The following LRP5 variants were observed in gnomAD, a reference collection of about 807,000 sequenced individuals.
The protein encoded by LRP5 is LDL receptor related protein 5.
In LRP5, 62 loss-of-function variants were observed where a neutral mutation model predicts 154.1. The ratio of observed to expected loss-of-function variants is 0.40; its 90% CI spans 0.33 to 0.50. The LOEUF is 0.50. Ranked by LOEUF, LRP5 falls within the 20% of genes least tolerant of loss-of-function variation. The pLI is 0.55. For synonymous variants in LRP5, 966 were observed against 1,011.5 expected, an observed-to-expected ratio of 0.96 and a Z score of 0.85; for missense variants, 1,915 against 2,336.7, an observed-to-expected ratio of 0.82 and a Z score of 3.72.
chr11:68,318,341 G>T (rs866251771), intron 1 of LRP5, among the ~76,000 whole-genome samples: 16 of 149,990 alleles, frequency 1.1e-4, no homozygotes, highest in African/African-American at 3.7e-4. Context: ...CACCACACCC[G>T]GCCTGCTTTT....
chr11:68,308,089 G>A (rs570658730), upstream of LRP5, among the ~76,000 whole-genome samples: 34 of 152,354 alleles, frequency 2.2e-4, no homozygotes, highest in Non-Finnish European at 4.0e-4. Flanking sequence ...GGGGCAGGTT[G>A]CTGAGAAGCA....
At chr11:68,436,841 C>T (rs1177026003) in intron 18 of LRP5, 48 bp from the exon 19 acceptor site, 1 of 1,425,428 alleles carries the variant, frequency 7.0e-7, no homozygotes, top group Non-Finnish European at 9.9e-7. Flanking sequence ...GCATGGTGGG[C>T]TGGGGGGCAC....
chr11:68,414,046 C>T (rs1370528267), intron 12 of LRP5, 34 bp downstream of exon 12: 1 of 1,579,310 alleles, frequency 6.3e-7, no homozygotes, highest in South Asian at 1.1e-5. Flanking sequence ...ACCTCACTCC[C>T]TCGTTAGATC....
At chr11:68,360,996 C>CAAA (rs71043425) in intron 3 of LRP5, among the ~76,000 whole-genome samples, 1 of 15,742 alleles carries the variant, frequency 6.4e-5, no homozygotes, top group Non-Finnish European at 1.0e-4. Flanking sequence ...GACTCTATCT[C>CAAA]AAAAAAAAAA....
chr11:68,309,863 G>A (rs1439438348), upstream of LRP5, among the ~76,000 whole-genome samples: 1 of 152,136 alleles, frequency 6.6e-6, no homozygotes, highest in Non-Finnish European at 1.5e-5. Flanking sequence ...GCCCCCACAG[G>A]GGCCTCTTTC....
intron 1 of LRP5, among the ~76,000 whole-genome samples, chr11:68,330,234 G>A (rs1200043121): frequency 3.3e-5 from 4 of 121,788 alleles, no homozygotes; most frequent in African/African-American, 1.3e-4. Flanking sequence ...TCCCCACCCC[G>A]CCCCCAGCCC....
chr11:68,389,743 C>T (rs1438615248), intron 6 of LRP5, 138 bp from the exon 7 acceptor site: 6 of 839,608 alleles, frequency 7.1e-6, no homozygotes, highest in Admixed American at 5.7e-5. Context: ...CCGACATTTA[C>T]TGACACCAAT....
intron 17 of LRP5, 74 bp from the exon 18 acceptor site, chr11:68,433,528 A>C: frequency 1.5e-6 from 2 of 1,323,698 alleles, no homozygotes; most frequent in South Asian, 2.4e-5. Context: ...TTCTGCTTTG[A>C]AGCCCAGTCA....
chr11:68,364,370 G>A (rs1409094330), intron 4 of LRP5, among the ~76,000 whole-genome samples: 8 of 151,606 alleles, frequency 5.3e-5, no homozygotes, highest in African/African-American at 1.9e-4. Context: ...GTGTGTGTGT[G>A]TGTGTGTGTG....
intron 6 of LRP5, among the ~76,000 whole-genome samples, chr11:68,387,651 G>T (rs1406410018): frequency 6.6e-6 from 1 of 152,200 alleles, no homozygotes; most frequent in Non-Finnish European, 1.5e-5. Flanking sequence ...TCTGAGACCC[G>T]CCCCAGCGGC....
At chr11:68,443,576 TATA>T (rs1468095224) in intron 21 of LRP5, among the ~76,000 whole-genome samples, 8 of 42,126 alleles carry the variant, frequency 1.9e-4, no homozygotes, top group Non-Finnish European at 2.7e-4. Context: ...TATATATATA[TATA>T]TATATATTTT....
At chr11:68,402,541 G>T (rs1475006273) in intron 7 of LRP5, among the ~76,000 whole-genome samples, 3 of 152,058 alleles carry the variant, frequency 2.0e-5, no homozygotes, top group Admixed American at 6.6e-5. Context: ...GGAGAACTTT[G>T]CCCCAGGCCC....
chr11:68,354,670 G>A lies in LRP5; in HGVS notation c.489-2980G>A, dbSNP rs1049303120. On this transcript the variant is annotated intron_variant, in intron 2 of 22. Coordinates refer to ENST00000294304, the MANE Select transcript of LRP5 (RefSeq NM_002335.4). ...TCACCCACACCCGGGCTTTGCTGGC[G>A]AAGGGTGAGTCATATGATGGCCGGG... Among the ~76,000 whole-genome samples the A allele has an allele frequency of 4.6e-5, 7 of 152,232 alleles. No homozygotes were observed. In the South Asian group the frequency reaches 1.2e-3, roughly 27 times the overall value.
chr11:68,341,425 G>C (rs2098609064), intron 1 of LRP5, among the ~76,000 whole-genome samples: 1 of 152,014 alleles, frequency 6.6e-6, no homozygotes, highest in Non-Finnish European at 1.5e-5. Flanking sequence ...CATCGCCCCA[G>C]GTCTGTTGCC....
rs1398047235 is a variant in LRP5 at position 68,312,615 on chromosome 11, G to A, written c.-100G>A. On this transcript the variant is annotated 5_prime_UTR_variant, in exon 1 of 23. Transcript: ENST00000294304. ...CGTCGTCCTGGTCCGCGGCGCCCGA[G>A]GGGGGAGGCGGAGGCGCCGGGAGCC... The A allele has an allele frequency of 9.8e-6, 4 of 406,636 alleles. No homozygotes were observed. The highest frequency in any genetic ancestry group is 6.5e-5 in the Admixed American group (1 of 15,290). The allele number at this position is 406,636 out of a possible 1,614,324, so 25.2% of individuals were successfully genotyped here. A position where few individuals can be genotyped will look rare whatever the true frequency, so the allele number is the denominator to read the frequency against.
intron 1 of LRP5, among the ~76,000 whole-genome samples, chr11:68,328,363 G>T (rs1398427717): frequency 6.6e-6 from 1 of 152,204 alleles, no homozygotes; most frequent in Non-Finnish European, 1.5e-5. Flanking sequence ...ATAAAAGCTG[G>T]TACAAAGGTA....
chr11:68,415,028 G>A (rs1029394859), intron 12 of LRP5, among the ~76,000 whole-genome samples: 2 of 152,236 alleles, frequency 1.3e-5, no homozygotes, highest in African/African-American at 4.8e-5. Flanking sequence ...GCAGTACCTG[G>A]TGCAACGACT....
intron 13 of LRP5, among the ~76,000 whole-genome samples, chr11:68,418,277 C>T (rs765480693): frequency 2.0e-5 from 3 of 151,790 alleles, no homozygotes; most frequent in Admixed American, 6.6e-5. Flanking sequence ...TGGTGGCACG[C>T]GCCTGTAGTC....
At chr11:68,425,907 C>T in intron 15 of LRP5, 71 bp from the exon 16 acceptor site, 2 of 1,357,854 alleles carry the variant, frequency 1.5e-6, no homozygotes, top group Non-Finnish European at 2.1e-6. Context: ...CAACCTCTGT[C>T]CTCCCAAGCT....
Sources: gnomAD v4.1 joint callset for allele counts (sites outside exome capture counted in the v4.1 genomes callset) on GRCh38, gnomAD v4.1.1 for gene constraint, MANE v1.5 for transcripts, NCBI Gene and HGNC (gene_info 2026-07-23, HGNC 2026-07-21) for gene names.